The following FGF14 variants were observed in gnomAD, a reference collection of about 807,000 sequenced individuals.
FGF14 encodes fibroblast growth factor homologous factor 4.
FGF14 carries 5 observed loss-of-function variants against 25.5 expected under a neutral mutation model. The ratio of observed to expected loss-of-function variants is 0.20; its 90% CI spans 0.10 to 0.41. FGF14 has a LOEUF of 0.41. Among genes scored for constraint, FGF14 ranks in the 10% least tolerant of loss-of-function variants. FGF14 has a pLI of 1.00. For missense variants in FGF14, 222 were observed against 320.1 expected, an observed-to-expected ratio of 0.69 and a Z score of 2.34; for synonymous variants, 138 against 118.3, an observed-to-expected ratio of 1.17 and a Z score of -1.08.
At chr13:102,134,313 G>A (rs2046320745) in intron 1 of FGF14, among the ~76,000 whole-genome samples, 1 of 152,146 alleles carries the variant, frequency 6.6e-6, no homozygotes, top group African/African-American at 2.4e-5. Context: ...TCCCTAAGCA[G>A]TGTTGCTTGA....
At chr13:102,215,723 A>T (rs1000463290) in intron 1 of FGF14, among the ~76,000 whole-genome samples, 1 of 152,222 alleles carries the variant, frequency 6.6e-6, no homozygotes, top group Non-Finnish European at 1.5e-5. Flanking sequence ...AACATTTTGT[A>T]TCCTTCCTGA....
intron 1 of FGF14, among the ~76,000 whole-genome samples, chr13:101,965,958 G>A (rs904153510): frequency 1.1e-4 from 16 of 152,134 alleles, no homozygotes; most frequent in African/African-American, 3.9e-4. Context: ...TCAGCCAGAT[G>A]TATCCACACA....
upstream of FGF14, among the ~76,000 whole-genome samples, chr13:101,918,325 T>G (rs1295173260): frequency 6.6e-6 from 1 of 152,162 alleles, no homozygotes; most frequent in African/African-American, 2.4e-5. Flanking sequence ...GGCTTCTTAC[T>G]TTTCTCCTCT....
chr13:101,905,494 T>C (rs1012208391), intron 1 of FGF14, among the ~76,000 whole-genome samples: 1 of 151,480 alleles, frequency 6.6e-6, no homozygotes, highest in Non-Finnish European at 1.5e-5. Context: ...TAAGTGGGAG[T>C]TGGACAATGA....
chr13:101,958,865 C>A lies in FGF14; in HGVS notation c.209-83569G>T, dbSNP rs368041698. Among the ~76,000 whole-genome samples, 57 of 152,306 alleles carry A rather than the reference C, an allele frequency of 3.7e-4. 1 individual carries two copies. The highest frequency in any genetic ancestry group is 1.2e-3 in the African/African-American group (50 of 41,576). On this transcript the variant is annotated intron_variant, in intron 1 of 4. Coordinates refer to the FGF14 transcript ENST00000376131. ...CAAAATACCAAACATCCCCTCTTGGCATAACATAAGCAATTGCTATGGCTT... is the reference window on the plus strand; with the variant it reads ...CAAAATACCAAACATCCCCTCTTGGAATAACATAAGCAATTGCTATGGCTT...
intron 2 of FGF14, among the ~76,000 whole-genome samples, chr13:101,869,696 G>A (rs1413201383): frequency 6.6e-6 from 1 of 152,066 alleles, no homozygotes; most frequent in East Asian, 1.9e-4. Context: ...TCTTAACTAA[G>A]TCTAATTCTA....
At chr13:102,262,266 T>C (rs747289790) in intron 1 of FGF14, among the ~76,000 whole-genome samples, 1 of 152,190 alleles carries the variant, frequency 6.6e-6, no homozygotes, top group African/African-American at 2.4e-5. Context: ...TCAGGTTAAA[T>C]ACTCTAAAGC....
At chr13:102,167,650 G>C (rs17589077) in intron 1 of FGF14, among the ~76,000 whole-genome samples, 11,453 of 152,126 alleles carry the variant, frequency 0.075, 565 homozygotes, top group Non-Finnish European at 0.11. Context: ...TGGCAAATAG[G>C]AAGTCTGAAA....
At chr13:101,915,835 A>G (rs1446761423) in intron 1 of FGF14, among the ~76,000 whole-genome samples, 1 of 152,190 alleles carries the variant, frequency 6.6e-6, no homozygotes, top group East Asian at 1.9e-4. Context: ...CCATCCCAGG[A>G]TTTGACTGAA....
intron 1 of FGF14, among the ~76,000 whole-genome samples, chr13:102,012,953 T>C (rs1309178525): frequency 6.6e-6 from 1 of 152,184 alleles, no homozygotes; most frequent in Admixed American, 6.5e-5. Flanking sequence ...TCATGACTGC[T>C]AATGGGGTGA....
chr13:102,138,576 C>T (rs148930002), intron 1 of FGF14, among the ~76,000 whole-genome samples: 2,532 of 132,168 alleles, frequency 0.019, 95 homozygotes, highest in African/African-American at 0.071. Flanking sequence ...ATCCTGCCAT[C>T]CAAGGCCAGA....
intron 1 of FGF14, among the ~76,000 whole-genome samples, chr13:102,161,614 A>AT (rs2047690587): frequency 1.9e-4 from 1 of 5,346 alleles, no homozygotes; most frequent in African/African-American, 8.1e-4. Flanking sequence ...GAAGAAGAAG[A>AT]AGAAGAAGAA....
chr13:101,812,545 C>G (rs1008135036), intron 3 of FGF14, among the ~76,000 whole-genome samples: 6 of 137,970 alleles, frequency 4.3e-5, no homozygotes, highest in Non-Finnish European at 7.6e-5. Flanking sequence ...AGATTGGCCA[C>G]TAGATTTTAT....
At chr13:102,353,183 G>C (rs946831658) in intron 1 of FGF14, among the ~76,000 whole-genome samples, 16 of 152,210 alleles carry the variant, frequency 1.1e-4, no homozygotes, top group Admixed American at 3.9e-4. Context: ...ATAGTCACGA[G>C]AGCAGTGAGG....
chr13:102,128,865 T>C (rs2046061437), intron 1 of FGF14, among the ~76,000 whole-genome samples: 2 of 152,070 alleles, frequency 1.3e-5, no homozygotes, highest in Non-Finnish European at 2.9e-5. Flanking sequence ...GGCGGATCAC[T>C]TGAGGTCAGG....
At chr13:102,058,323 A>C (rs2042526449) in intron 1 of FGF14, among the ~76,000 whole-genome samples, 3 of 152,228 alleles carry the variant, frequency 2.0e-5, no homozygotes, top group Non-Finnish European at 1.5e-5. Context: ...AAATCTAAAC[A>C]CATTCTCCCA....
In FGF14 at chr13:102,326,739, GAAGGAAGGAAGGAAA is replaced by G. The variant is rs1566939145; in HGVS notation, c.208+74717_208+74731del. ...GGAAGGAAGGAAGGAAGGAAGGAAG[GAAGGAAGGAAGGAAA>G]GAGGGAGGGAAGGAAGGAAGAAAAA... On this transcript the variant is annotated intron_variant, in intron 1 of 4. Transcript: ENST00000376131. Among the ~76,000 whole-genome samples the G allele has an allele frequency of 3.6e-3, 361 of 99,506 alleles. 13 individuals are homozygous for G. The highest frequency in any genetic ancestry group is 0.014 in the African/African-American group (350 of 25,200). The allele number at this position is 99,506 out of a possible 152,430, so 65.3% of individuals were successfully genotyped here. A position where few individuals can be genotyped will look rare whatever the true frequency, so the allele number is the denominator to read the frequency against.
intron 1 of FGF14, among the ~76,000 whole-genome samples, chr13:102,184,200 C>T (rs535647240): frequency 1.3e-5 from 2 of 152,072 alleles, no homozygotes; most frequent in African/African-American, 2.4e-5. Flanking sequence ...TACTGACTTC[C>T]GTTTCTAGAT....
At chr13:102,087,575 C>CTTTTTTTTTTTTTTTTT (rs1166446102) in intron 1 of FGF14, among the ~76,000 whole-genome samples, 3 of 79,866 alleles carry the variant, frequency 3.8e-5, no homozygotes, top group South Asian at 5.5e-4. Context: ...CCATGCCTGG[C>CTTTTTTTTTTTTTTTTT]TTTTTTTTTT....
Sources: gnomAD v4.1 joint callset for allele counts (sites outside exome capture counted in the v4.1 genomes callset) on GRCh38, gnomAD v4.1.1 for gene constraint, MANE v1.5 for transcripts, NCBI Gene and HGNC (gene_info 2026-07-23, HGNC 2026-07-21) for gene names.